ZMYM4: variants seen among roughly 807,000 people sequenced by gnomAD.
ZMYM4 encodes the protein zinc finger MYM-type containing 4.
In ZMYM4, 31 loss-of-function variants were observed where a neutral mutation model predicts 183.2. That is an observed-to-expected ratio of 0.17 (90% CI 0.13 to 0.23). ZMYM4 has a LOEUF of 0.23. Ranked by LOEUF, ZMYM4 falls within the 10% of genes least tolerant of loss-of-function variation. The pLI is 1.00. For missense variants in ZMYM4, 1,273 were observed against 1,840.3 expected (o/e 0.69, Z 5.64); for synonymous variants, 592 against 631.2 (o/e 0.94, Z 0.93).
chr1:35,309,412 TGTAAG>T (rs1472313398), intron 1 of ZMYM4, among the ~76,000 whole-genome samples: 2 of 152,192 alleles, frequency 1.3e-5, no homozygotes, highest in Admixed American at 6.5e-5. Flanking sequence ...TCCTTAGACT[TGTAAG>T]GAAAGGATAA....
chr1:35,320,372 A>G (rs148839244), intron 1 of ZMYM4, among the ~76,000 whole-genome samples: 47 of 152,338 alleles, frequency 3.1e-4, no homozygotes, highest in African/African-American at 9.9e-4. Context: ...GGTGCTGGAA[A>G]GGTGGCATGC....
In ZMYM4 at chr1:35,405,429, C is replaced by A; in HGVS notation, c.3757C>A (p.His1253Asn). ...TGACCCCTTAGGAAGTACTCAAGAC[C>A]ATGCACTCTCTCAAGAATCCTCAGA... ...RSDPLGSTQDHALSQESSEPG... is the reference protein window; with the variant it reads ...RSDPLGSTQDNALSQESSEPG... The change falls in exon 25 of 30, where the codon CAT becomes AAT. Residue 1253 changes from histidine (H) to asparagine (N), a missense_variant. Physicochemically the swap from His to Asn is moderately conservative, Grantham distance 68. Coordinates refer to ENST00000314607, the MANE Select transcript of ZMYM4 (RefSeq NM_005095.3). 1 of 1,612,968 alleles carries A rather than the reference C, an allele frequency of 6.2e-7. No individual in the cohort carries two copies. Among genetic ancestry groups the A allele is most frequent in the South Asian group, 1.1e-5 (1 of 90,784 alleles).
chr1:35,268,990 C>G lies in ZMYM4; in HGVS notation c.-57C>G. 1.2e-5 allele frequency: 18 copies of G among 1,501,548 alleles called. No individual in the cohort carries two copies. Among genetic ancestry groups the G allele is most frequent in the East Asian group, 2.8e-5 (1 of 36,094 alleles). The allele number at this position is 1,501,548 out of a possible 1,614,324, so 93.0% of individuals were successfully genotyped here. ...GCAGTGTGGGCGGGGGCCGGGGGGC[C>G]GAGAGGTACCGCCGCCACCGCGCGG... On this transcript the variant is annotated 5_prime_UTR_variant, in exon 1 of 30. Transcript: ENST00000314607.
intron 1 of ZMYM4, among the ~76,000 whole-genome samples, chr1:35,323,229 T>C (rs1271367419): frequency 6.6e-6 from 1 of 152,096 alleles, no homozygotes; most frequent in East Asian, 1.9e-4. Context: ...CTTGAACTCC[T>C]GACTTCAGGT....
chr1:35,336,108 C>G (rs1251118678), intron 2 of ZMYM4, among the ~76,000 whole-genome samples: 1 of 152,164 alleles, frequency 6.6e-6, no homozygotes, highest in African/African-American at 2.4e-5. Flanking sequence ...CCCTCTTCAT[C>G]CCCTGGCAAC....
chr1:35,326,979 C>T (rs1044170884), intron 2 of ZMYM4, among the ~76,000 whole-genome samples: 2 of 152,178 alleles, frequency 1.3e-5, no homozygotes, highest in African/African-American at 4.8e-5. Flanking sequence ...CCTGTGTCAG[C>T]CTCCTGAGTC....
intron 1 of ZMYM4, among the ~76,000 whole-genome samples, chr1:35,272,248 T>C (rs1251394838): frequency 6.6e-6 from 1 of 152,196 alleles, no homozygotes; most frequent in Non-Finnish European, 1.5e-5. Context: ...CAATCTGAAA[T>C]TGCATTGATG....
chr1:35,274,957 T>C (rs1242667196), intron 1 of ZMYM4, among the ~76,000 whole-genome samples: 1 of 152,176 alleles, frequency 6.6e-6, no homozygotes, highest in African/African-American at 2.4e-5. Flanking sequence ...TTATGGTTAG[T>C]GTTTATATTC....
intron 1 of ZMYM4, among the ~76,000 whole-genome samples, chr1:35,283,666 T>G (rs145224871): frequency 1.3e-5 from 2 of 152,164 alleles, no homozygotes; most frequent in Admixed American, 6.5e-5. Context: ...TGGCTTGGAT[T>G]TGAATTTTTC....
intron 1 of ZMYM4, among the ~76,000 whole-genome samples, chr1:35,297,648 T>G (rs988759072): frequency 4.6e-5 from 7 of 152,238 alleles, no homozygotes; most frequent in Non-Finnish European, 8.8e-5. Context: ...CCATCATTAC[T>G]GCTTTACTAG....
chr1:35,273,244 A>G (rs1000515356), intron 1 of ZMYM4, among the ~76,000 whole-genome samples: 1 of 152,186 alleles, frequency 6.6e-6, no homozygotes, highest in South Asian at 2.1e-4. Flanking sequence ...TAGTGCCTAT[A>G]CATGAAGGCG....
At chr1:35,317,398 C>A in intron 1 of ZMYM4, among the ~76,000 whole-genome samples, 1 of 151,248 alleles carries the variant, frequency 6.6e-6, no homozygotes, top group East Asian at 2.0e-4. Context: ...GCGCCATTGC[C>A]CTCCAGCCTG....
In ZMYM4 at chr1:35,342,156, C is replaced by A. The variant is rs114425234; in HGVS notation, c.85+16751C>A. Among the ~76,000 whole-genome samples the A allele has an allele frequency of 5.8e-3, 877 of 151,882 alleles. 6 individuals are homozygous for A. Among genetic ancestry groups the A allele is most frequent in the African/African-American group, 0.02 (837 of 41,434 alleles). On this transcript the variant is annotated intron_variant, in intron 2 of 29. Coordinates refer to ENST00000314607, the MANE Select transcript of ZMYM4 (RefSeq NM_005095.3). ...GGTTGTATTTTTCAAGGCATTTGTT[C>A]ATTTCATTTTTGTTGTTATTTTTAG...
chr1:35,284,678 T>C (rs1190731455), intron 1 of ZMYM4, among the ~76,000 whole-genome samples: 3 of 152,216 alleles, frequency 2.0e-5, no homozygotes, highest in East Asian at 1.9e-4. Flanking sequence ...TTCAGGAGGC[T>C]GGGAAGTCCA....
chr1:35,325,423 A>G lies in ZMYM4; in HGVS notation c.85+18A>G. On this transcript the variant is annotated intron_variant, in intron 2 of 29. Coordinates refer to ENST00000314607, the MANE Select transcript of ZMYM4 (RefSeq NM_005095.3). ...AGAGAACTGTAAGTACCATTTGAGA[A>G]AAAACAATCATGTCTTTAGATAGAA... The G allele has an allele frequency of 6.3e-7, 1 of 1,596,960 alleles. No homozygotes were observed. Among genetic ancestry groups the G allele is most frequent in the Non-Finnish European group, 8.5e-7 (1 of 1,171,252 alleles).
intron 1 of ZMYM4, among the ~76,000 whole-genome samples, chr1:35,307,679 T>G (rs1318360776): frequency 7.3e-6 from 1 of 136,450 alleles, no homozygotes; most frequent in Non-Finnish European, 1.6e-5. Flanking sequence ...GGACTACAGG[T>G]GCCCGCCACC....
At chr1:35,417,769 G>T (rs1223788282) in intron 28 of ZMYM4, among the ~76,000 whole-genome samples, 2 of 152,120 alleles carry the variant, frequency 1.3e-5, no homozygotes, top group Non-Finnish European at 2.9e-5. Flanking sequence ...CAGCACTTTG[G>T]GAGGCCGAGG....
chr1:35,291,192 T>C (rs899582570), intron 1 of ZMYM4, among the ~76,000 whole-genome samples: 4 of 152,216 alleles, frequency 2.6e-5, no homozygotes, highest in African/African-American at 7.2e-5. Flanking sequence ...TGTCTTCTTA[T>C]ATTGTGTTTT....
chr1:35,358,840 T>A, intron 2 of ZMYM4, 85 bp from the exon 3 acceptor site: 2 of 1,168,140 alleles, frequency 1.7e-6, no homozygotes, highest in Non-Finnish European at 2.4e-6. Context: ...GAAAAAATAT[T>A]TATTTGGTTA....
Sources: allele counts gnomAD v4.1 joint callset (sites outside exome capture counted in the v4.1 genomes callset), GRCh38; gene constraint gnomAD v4.1.1; transcripts MANE v1.5; gene names NCBI Gene and HGNC (gene_info 2026-07-23, HGNC 2026-07-21).